The following ANKIB1 variants were observed in gnomAD, a reference collection of about 807,000 sequenced individuals.
ANKIB1 encodes ankyrin repeat and IBR domain-containing protein 1.
Under a neutral mutation model 122.1 loss-of-function variants are expected in ANKIB1, and 43 were observed. The ratio of observed to expected loss-of-function variants is 0.35; its 90% CI spans 0.28 to 0.45. The LOEUF (loss-of-function observed/expected upper bound fraction) is 0.45, where lower values mean the gene tolerates loss of function less well. ANKIB1 is among the 20% of genes least tolerant of loss of function. The probability of loss-of-function intolerance (pLI) is 1.00; values close to 1 mark genes in which losing one functional copy is unlikely to be tolerated. For synonymous variants in ANKIB1, 390 were observed against 442.0 expected, an observed-to-expected ratio of 0.88 and a Z score of 1.48; for missense variants, 992 against 1,329.5, an observed-to-expected ratio of 0.75 and a Z score of 3.95.
chr7:92,325,004 A>G (rs1316298782), intron 4 of ANKIB1, among the ~76,000 whole-genome samples: 1 of 152,224 alleles, frequency 6.6e-6, no homozygotes, highest in Non-Finnish European at 1.5e-5. Flanking sequence ...GAACTGCTAT[A>G]AAGAGATTTC....
chr7:92,285,675 C>G (rs913134127), intron 1 of ANKIB1, among the ~76,000 whole-genome samples: 1 of 152,164 alleles, frequency 6.6e-6, no homozygotes, highest in African/African-American at 2.4e-5. Flanking sequence ...GAAACAAGAT[C>G]TATACATAAC....
chr7:92,372,256 T>C (rs1804284667), intron 11 of ANKIB1, among the ~76,000 whole-genome samples: 1 of 152,188 alleles, frequency 6.6e-6, no homozygotes, highest in Non-Finnish European at 1.5e-5. Flanking sequence ...ACAGATTTTT[T>C]TTTGTAATTA....
At chr7:92,336,401 T>G (rs1562785500) in intron 5 of ANKIB1, among the ~76,000 whole-genome samples, 1 of 152,282 alleles carries the variant, frequency 6.6e-6, no homozygotes, top group East Asian at 1.9e-4. Context: ...TTCTTTATGT[T>G]CTTGATCATA....
chr7:92,363,220 G>A (rs1803990493), intron 10 of ANKIB1, among the ~76,000 whole-genome samples: 1 of 152,072 alleles, frequency 6.6e-6, no homozygotes, highest in South Asian at 2.1e-4. Context: ...AGACCATCCT[G>A]GCCAACATGG....
At chr7:92,258,744 A>G (rs1039267513) in intron 1 of ANKIB1, among the ~76,000 whole-genome samples, 1 of 152,202 alleles carries the variant, frequency 6.6e-6, no homozygotes, top group Non-Finnish European at 1.5e-5. Context: ...TAGAAAAATT[A>G]ATCTGGCAGC....
At chr7:92,355,330 T>C (rs886418189) in intron 9 of ANKIB1, among the ~76,000 whole-genome samples, 5 of 152,094 alleles carry the variant, frequency 3.3e-5, no homozygotes, top group African/African-American at 1.2e-4. Context: ...ACAAAGTGTC[T>C]CTCTTCTCTG....
intron 5 of ANKIB1, among the ~76,000 whole-genome samples, chr7:92,329,276 A>T (rs1473767100): frequency 6.6e-6 from 1 of 151,978 alleles, no homozygotes; most frequent in Non-Finnish European, 1.5e-5. Flanking sequence ...TACCTTCAAT[A>T]TCGATGTTTC....
At position 92,294,878 on chromosome 7, in the gene ANKIB1, T is replaced by G. The variant is rs991100252; in HGVS notation, c.-90-11T>G. 8 of 778,976 alleles carry G rather than the reference T, an allele frequency of 1.0e-5. No homozygotes were observed. The African/African-American group carries it at 1.4e-4, about 14-fold the overall frequency. The allele number at this position is 778,976 out of a possible 1,614,324, so 48.3% of individuals were successfully genotyped here. A position where few individuals can be genotyped will look rare whatever the true frequency, so the allele number is the denominator to read the frequency against. ...TTTACAATCTAATTTGAATAACTTT[T>G]CCTTCATTAGAATGTGAAAGATGTT... On this transcript the variant is annotated splice_polypyrimidine_tract_variant and intron_variant, in intron 1 of 19. Coordinates refer to ENST00000265742, the MANE Select transcript of ANKIB1 (RefSeq NM_019004.2).
At chr7:92,369,083 G>C (rs766889289) in intron 10 of ANKIB1, among the ~76,000 whole-genome samples, 9 of 152,206 alleles carry the variant, frequency 5.9e-5, no homozygotes, top group Non-Finnish European at 1.3e-4. Flanking sequence ...AAAATTAAAT[G>C]TTTAAATGTG....
At chr7:92,251,565 C>T (rs929345135) in intron 1 of ANKIB1, among the ~76,000 whole-genome samples, 1 of 152,054 alleles carries the variant, frequency 6.6e-6, no homozygotes, top group Admixed American at 6.6e-5. Flanking sequence ...TCTTACATCC[C>T]CTTCACCCAG....
chr7:92,373,621 A>G (rs982782683), intron 11 of ANKIB1, among the ~76,000 whole-genome samples: 2 of 152,202 alleles, frequency 1.3e-5, no homozygotes, highest in Non-Finnish European at 2.9e-5. Flanking sequence ...ATGTAAAAGT[A>G]TCACATTACT....
chr7:92,294,639 A>T (rs1315039477), intron 1 of ANKIB1: 3 of 370,590 alleles, frequency 8.1e-6, no homozygotes, highest in African/African-American at 2.1e-5. Flanking sequence ...AATTTTTGTA[A>T]TCCGAAGGAC....
chr7:92,351,018 A>G lies in ANKIB1; in HGVS notation c.1154A>G (p.Gln385Arg). 2 of 1,604,810 alleles carry G rather than the reference A, an allele frequency of 1.2e-6. No individual in the cohort carries two copies. Among genetic ancestry groups the G allele is most frequent in the Non-Finnish European group, 8.5e-7 (1 of 1,175,234 alleles). Residue 385 changes from glutamine (Q) to arginine (R), a missense_variant, in exon 8 of 20, where the codon CAA becomes CGA. By Grantham distance (43) the Gln-to-Arg change is conservative. Around this residue, in one of 4 missense-constraint regions of ANKIB1, gnomAD observed 521 missense variants for 777.7 expected, o/e 0.67. Transcript: ENST00000265742. ...TTTTGCCCTGCATATGATTGCTTCC[A>G]ACTTGTACCTGTGGATATCATAGAA... ...NIFCPAYDCF[Q>R]LVPVDIIESV...
intron 11 of ANKIB1, among the ~76,000 whole-genome samples, chr7:92,376,310 G>T (rs558203164): frequency 6.6e-6 from 1 of 152,172 alleles, no homozygotes; most frequent in Admixed American, 6.5e-5. Flanking sequence ...TCTCCTACTA[G>T]AAAGCAGTTT....
intron 1 of ANKIB1, among the ~76,000 whole-genome samples, chr7:92,288,878 T>C (rs1802192028): frequency 6.6e-6 from 1 of 152,126 alleles, no homozygotes. Context: ...AACTAGAAAC[T>C]GACAATTCCA....
In ANKIB1 at chr7:92,276,030, A is replaced by G. The variant is rs375045709; in HGVS notation, c.-90-18859A>G. Among the ~76,000 whole-genome samples the G allele has an allele frequency of 3.1e-4, 47 of 152,310 alleles. 1 individual carries two copies. The highest frequency in any genetic ancestry group is 9.6e-4 in the African/African-American group (40 of 41,570). On this transcript the variant is annotated intron_variant, in intron 1 of 19. Coordinates refer to ENST00000265742, the MANE Select transcript of ANKIB1 (RefSeq NM_019004.2). ...GTGTGGTATATCTACATCTATATATAATAAAAAAGTTTTGCAAAACTACAC... is the reference window on the plus strand; with the variant it reads ...GTGTGGTATATCTACATCTATATATGATAAAAAAGTTTTGCAAAACTACAC...
At chr7:92,380,150 C>T (rs968331289) in intron 11 of ANKIB1, among the ~76,000 whole-genome samples, 7 of 152,068 alleles carry the variant, frequency 4.6e-5, no homozygotes, top group Non-Finnish European at 1.0e-4. Flanking sequence ...ACTGCTATTC[C>T]GAGATCTAAC....
At chr7:92,344,193 GTTTTTTTTTTTTTT>G (rs67933063) in intron 6 of ANKIB1, among the ~76,000 whole-genome samples, 12 of 97,674 alleles carry the variant, frequency 1.2e-4, no homozygotes, top group Admixed American at 5.6e-4. Context: ...TGTGTTTTTG[GTTTTTTTTTTTTTT>G]TTTTTTTTTT....
Position 92,362,249 on chromosome 7 carries a change from A to G in ANKIB1, c.1462A>G (p.Ile488Val), listed in dbSNP as rs1803966762. The G allele has an allele frequency of 1.3e-6, 2 of 1,594,732 alleles. No individual in the cohort carries two copies. The highest frequency in any genetic ancestry group is 1.7e-6 in the Non-Finnish European group (2 of 1,170,148). ...AACATGGAAGAATTGGCTGCAAAAAATAACCGAAATGAAACCAGAAGAACG... is the reference window on the plus strand; with the variant it reads ...AACATGGAAGAATTGGCTGCAAAAAGTAACCGAAATGAAACCAGAAGAACG... ...CQTWKNWLQK[I>V]TEMKPEELVG... Residue 488 changes from isoleucine (I) to valine (V), a missense_variant, in exon 10 of 20, where the codon ATA (isoleucine) becomes GTA (valine). By Grantham distance (29) the Ile-to-Val change is conservative (BLOSUM62 3). Transcript: ENST00000265742.
Sources: allele counts gnomAD v4.1 joint callset (sites outside exome capture counted in the v4.1 genomes callset), GRCh38; gene constraint gnomAD v4.1.1; regional missense constraint gnomAD v4.1.1; transcripts MANE v1.5; gene names NCBI Gene and HGNC (gene_info 2026-07-23, HGNC 2026-07-21).